The following ACADSB variants were observed in gnomAD, a reference collection of about 807,000 sequenced individuals.
ACADSB encodes the protein acyl-CoA dehydrogenase short/branched chain.
ACADSB carries 40 observed loss-of-function variants against 54.1 expected under a neutral mutation model. The ratio of observed to expected loss-of-function variants is 0.74; its 90% CI spans 0.57 to 0.96. The LOEUF (loss-of-function observed/expected upper bound fraction) is 0.96. ACADSB is among the 40% of genes least tolerant of loss of function. ACADSB has a pLI of 0.00. For missense variants in ACADSB, 530 were observed against 510.4 expected, an observed-to-expected ratio of 1.04 and a Z score of -0.37; for synonymous variants, 182 against 182.8, an observed-to-expected ratio of 1.00 and a Z score of 0.03.
At position 123,055,488 on chromosome 10, in the gene ACADSB, C is replaced by A. The variant is rs1483117814; in HGVS notation, c.*1723C>A. 1 of 152,248 alleles carries A rather than the reference C, an allele frequency of 6.6e-6. No homozygotes were observed. The highest frequency in any genetic ancestry group is 2.1e-4 in the South Asian group (1 of 4,820). 9.4% of individuals were successfully genotyped at this position (152,248 alleles called of 1,614,324 possible). ...GACACAGCCAAACCATATCATTCTA[C>A]CCCTGGCACCTCCAAATCTCATGTC... On this transcript the variant is annotated 3_prime_UTR_variant, in exon 11 of 11. Coordinates refer to ENST00000358776, the MANE Select transcript of ACADSB (RefSeq NM_001609.4).
At chr10:123,037,946 T>A (rs1850421536) in intron 3 of ACADSB, 99 bp downstream of exon 3, 1 of 927,378 alleles carries the variant, frequency 1.1e-6, no homozygotes, top group African/African-American at 1.7e-5. Context: ...CAAAATTATC[T>A]GTTTTCTTTT....
At position 123,043,170 on chromosome 10, in the gene ACADSB, A is replaced by G. The variant is rs1406985031; in HGVS notation, c.806A>G (p.Lys269Arg). The G allele has an allele frequency of 6.2e-7, 1 of 1,613,776 alleles. No homozygotes were observed. Residue 269 changes from lysine to arginine, a missense_variant and splice_region_variant, in exon 6 of 11, where the codon AAG (lysine) becomes AGG (arginine). By Grantham distance (26) the Lys-to-Arg change is conservative. Transcript: ENST00000358776. The stretch of plus-strand genomic sequence containing the variant: ...TGCCCGTTAACATTCGAAAATGTCA[A>G]GGTGGGTATCGTAGACTAATCAGTA... ...STCPLTFENV[K>R]VPEANILGQI... is the part of the protein sequence containing the mutation.
rs185327007 is a variant in ACADSB, at chr10:123,023,422, T to G, written c.43-10934T>G. Among the ~76,000 whole-genome samples the G allele has an allele frequency of 2.0e-5, 3 of 152,234 alleles. No individual in the cohort carries two copies. In the East Asian group the frequency reaches 5.8e-4, roughly 29 times the overall value. On this transcript the variant is annotated intron_variant, in intron 1 of 10. Coordinates refer to ENST00000358776, the MANE Select transcript of ACADSB (RefSeq NM_001609.4). ...AGCACTCTTTTACTTAAAAGCCAAT[T>G]TGGTAGAAACAACATATAATAGTAA...
At chr10:123,046,297 A>G (rs190477374) in intron 7 of ACADSB, among the ~76,000 whole-genome samples, 46 of 152,322 alleles carry the variant, frequency 3.0e-4, no homozygotes, top group Middle Eastern at 3.4e-3. Flanking sequence ...TCTGCTGGGC[A>G]TTTCCCCCAA....
In ACADSB at chr10:123,052,828, A is replaced by G. The variant is rs540074882; in HGVS notation, c.1129-233A>G. On this transcript the variant is annotated intron_variant, in intron 9 of 10. Transcript: ENST00000358776. This position sits in a 1 kb window ranked among gnomAD's most constrained non-coding sequence, Gnocchi z 4.2. ...ATGATATCTCTCAGCATGCAGATTC[A>G]TGTGAACAATGCTCTAATTTCTTAA... The G allele has an allele frequency of 1.8e-6, 1 of 554,944 alleles. No individual in the cohort carries two copies. The highest frequency in any genetic ancestry group is 3.4e-5 in the East Asian group (1 of 29,248). The allele number at this position is 554,944 out of a possible 1,614,324, so 34.4% of individuals were successfully genotyped here.
At chr10:123,018,185 A>C (rs1850133201) in intron 1 of ACADSB, among the ~76,000 whole-genome samples, 1 of 152,204 alleles carries the variant, frequency 6.6e-6, no homozygotes, top group African/African-American at 2.4e-5. Context: ...TGATTAAAAA[A>C]TACTTTAGCT....
intron 9 of ACADSB, among the ~76,000 whole-genome samples, chr10:123,051,886 T>C (rs933428239): frequency 6.6e-6 from 1 of 152,192 alleles, no homozygotes; most frequent in African/African-American, 2.4e-5. Flanking sequence ...CTGAGCGTCA[T>C]CTTGGCACCC....
At chr10:123,023,167 A>G (rs2133462704) in intron 1 of ACADSB, among the ~76,000 whole-genome samples, 2 of 152,352 alleles carry the variant, frequency 1.3e-5, no homozygotes, top group Middle Eastern at 6.8e-3. Context: ...AAAGGCATGC[A>G]AACGAAGATC....
intron 1 of ACADSB, among the ~76,000 whole-genome samples, chr10:123,020,839 C>T (rs1344941853): frequency 6.6e-6 from 1 of 152,140 alleles, no homozygotes; most frequent in Non-Finnish European, 1.5e-5. Flanking sequence ...CCCGTCTCTA[C>T]TAAAAATACA....
chr10:123,053,819 G>A lies in ACADSB; in HGVS notation c.*54G>A. 3.4e-6 allele frequency: 5 copies of A among 1,485,384 alleles called. No individual in the cohort carries two copies. The highest frequency in any genetic ancestry group is 4.7e-6 in the Non-Finnish European group (5 of 1,063,260). 92.0% of individuals were successfully genotyped at this position (1,485,384 alleles called of 1,614,324 possible). Reference sequence around the variant, plus strand: ...TGTCACTGCTGTAAAATTTTAAACGGTTGTGTCTTGTTGGGAGTAAGTGCC... The same window carrying A: ...TGTCACTGCTGTAAAATTTTAAACGATTGTGTCTTGTTGGGAGTAAGTGCC... On this transcript the variant is annotated 3_prime_UTR_variant, in exon 11 of 11. Transcript: ENST00000358776.
intron 4 of ACADSB, 45 bp from the exon 5 acceptor site, chr10:123,041,164 A>G (rs1347214094): frequency 1.3e-6 from 2 of 1,588,448 alleles, no homozygotes; most frequent in Non-Finnish European, 1.7e-6. Context: ...TATACAGAGT[A>G]TAAATACAGT....
Position 123,034,339 on chromosome 10 carries a change from G to A in ACADSB, c.43-17G>A. On this transcript the variant is annotated splice_polypyrimidine_tract_variant and intron_variant, in intron 1 of 10. Coordinates refer to ENST00000358776, the MANE Select transcript of ACADSB (RefSeq NM_001609.4). ...ATATTCAAGTACCTTTCTTTCATGT[G>A]TGTATGTTCCCTACAGCTAAGAAGA... 1 of 1,612,096 alleles carries A rather than the reference G, an allele frequency of 6.2e-7. No individual in the cohort carries two copies. Among genetic ancestry groups the A allele is most frequent in the Non-Finnish European group, 8.5e-7 (1 of 1,178,766 alleles).
At chr10:123,037,028 C>T (rs1325340492) in intron 2 of ACADSB, among the ~76,000 whole-genome samples, 1 of 152,168 alleles carries the variant, frequency 6.6e-6, no homozygotes, top group Non-Finnish European at 1.5e-5. Flanking sequence ...AATGAAACAG[C>T]GGTTTTCAGT....
chr10:123,035,683 T>A (rs1387252356), intron 2 of ACADSB, among the ~76,000 whole-genome samples: 2 of 152,134 alleles, frequency 1.3e-5, no homozygotes, highest in African/African-American at 4.8e-5. Context: ...CAAGCTCCCG[T>A]GGTTGTGTCA....
intron 1 of ACADSB, among the ~76,000 whole-genome samples, chr10:123,028,948 G>T (rs2133468555): frequency 1.3e-5 from 2 of 152,220 alleles, no homozygotes; most frequent in South Asian, 4.1e-4. Flanking sequence ...ATACAGAAAA[G>T]TCCAAAAACT....
intron 8 of ACADSB, among the ~76,000 whole-genome samples, chr10:123,050,500 G>A (rs1850615038): frequency 6.6e-6 from 1 of 152,184 alleles, no homozygotes. Flanking sequence ...GGCTCACTAA[G>A]TTAACTGTTG....
Position 123,044,430 on chromosome 10 carries a change from G to T in ACADSB, c.845G>T (p.Gly282Val), listed in dbSNP as rs557039976. The T allele has an allele frequency of 1.9e-6, 3 of 1,613,954 alleles. No homozygotes were observed. The East Asian group carries it at 6.7e-5, about 36-fold the overall frequency. ...AATATCTTGGGACAAATTGGACATG[G>T]CTATAAGTATGCCATAGGGAGTCTC... ...EANILGQIGH[G>V]YKYAIGSLNE... The change falls in exon 7 of 11, where the codon GGC (glycine) becomes GTC (valine). Residue 282 changes from glycine (G) to valine (V), a missense_variant. Gly to Val is a moderately radical substitution (Grantham distance 109, BLOSUM62 -3). Transcript: ENST00000358776.
chr10:123,014,163 C>G (rs1850082374), intron 1 of ACADSB, among the ~76,000 whole-genome samples: 1 of 152,110 alleles, frequency 6.6e-6, no homozygotes, highest in Non-Finnish European at 1.5e-5. Flanking sequence ...CTTTCTCTCC[C>G]CTCATTTCTC....
At chr10:123,040,983 A>G (rs1420310300) in intron 4 of ACADSB, among the ~76,000 whole-genome samples, 1 of 152,184 alleles carries the variant, frequency 6.6e-6, no homozygotes, top group Non-Finnish European at 1.5e-5. Context: ...ATTCAAATCA[A>G]TTTCAATGAG....
Sources: allele counts gnomAD v4.1 joint callset (sites outside exome capture counted in the v4.1 genomes callset), GRCh38; gene constraint gnomAD v4.1.1; non-coding constraint Gnocchi (gnomAD v3.1); transcripts MANE v1.5; gene names NCBI Gene and HGNC (gene_info 2026-07-23, HGNC 2026-07-21).